Variants in PRKCE observed in about 807,000 individuals in gnomAD.
PRKCE encodes the protein protein kinase C epsilon type.
PRKCE carries 16 observed loss-of-function variants against 85.4 expected under a neutral mutation model. The observed-to-expected ratio is 0.19, with a 90% confidence interval of 0.13 to 0.28. PRKCE has a LOEUF of 0.28. Ranked by LOEUF, PRKCE falls within the 10% of genes least tolerant of loss-of-function variation. PRKCE has a pLI of 1.00. For synonymous variants in PRKCE, 388 were observed against 371.5 expected (o/e 1.04, Z -0.51); for missense variants, 573 against 975.2 (o/e 0.59, Z 5.49).
At chr2:46,107,408 C>T (rs528339053) in intron 11 of PRKCE, among the ~76,000 whole-genome samples, 2 of 152,214 alleles carry the variant, frequency 1.3e-5, no homozygotes, top group South Asian at 2.1e-4. Context: ...TTTGGGAGGC[C>T]GAGGCGGGCA....
chr2:46,078,391 T>A (rs1185538171), intron 10 of PRKCE: 4 of 131,328 alleles, frequency 3.0e-5, no homozygotes, highest in South Asian at 2.4e-4. Context: ...AAAAAAAAAA[T>A]TAGCTGGACA....
chr2:45,700,855 G>T (rs886854801), intron 1 of PRKCE, among the ~76,000 whole-genome samples: 1 of 152,148 alleles, frequency 6.6e-6, no homozygotes, highest in East Asian at 1.9e-4. Context: ...GCAGGGAGAG[G>T]GCGGCCCCGT....
intron 11 of PRKCE, among the ~76,000 whole-genome samples, chr2:46,109,213 G>T (rs1672023340): frequency 6.6e-6 from 1 of 152,116 alleles, no homozygotes; most frequent in South Asian, 2.1e-4. Flanking sequence ...AGAATAAGTT[G>T]CTGATATCTG....
At chr2:45,855,397 C>A (rs1418288448) in intron 2 of PRKCE, among the ~76,000 whole-genome samples, 6 of 152,180 alleles carry the variant, frequency 3.9e-5, no homozygotes, top group Non-Finnish European at 7.4e-5. Flanking sequence ...AAAATTTGAA[C>A]CTTGTTCCCA....
At chr2:45,654,603 A>G (rs1675294461) in intron 1 of PRKCE, among the ~76,000 whole-genome samples, 1 of 152,210 alleles carries the variant, frequency 6.6e-6, no homozygotes. Context: ...TGTGTCCCTG[A>G]CATTTTTATT....
intron 6 of PRKCE, among the ~76,000 whole-genome samples, chr2:45,991,849 A>C (rs558170969): frequency 6.6e-6 from 1 of 152,234 alleles, no homozygotes; most frequent in Admixed American, 6.5e-5. Context: ...ATTGACGTTT[A>C]ATTTGTGTGG....
chr2:45,943,159 A>G (rs1700004835), intron 2 of PRKCE, among the ~76,000 whole-genome samples: 1 of 152,240 alleles, frequency 6.6e-6, no homozygotes, highest in African/African-American at 2.4e-5. Context: ...AGCTCATTTT[A>G]GGTAATTTTC....
At chr2:45,781,064 G>A (rs916599743) in intron 1 of PRKCE, among the ~76,000 whole-genome samples, 2 of 152,268 alleles carry the variant, frequency 1.3e-5, no homozygotes, top group East Asian at 3.9e-4. Flanking sequence ...CGGGCATAGT[G>A]GCTCAAGGCT....
At chr2:45,826,584 G>T (rs1367998239) in intron 1 of PRKCE, among the ~76,000 whole-genome samples, 2 of 152,152 alleles carry the variant, frequency 1.3e-5, no homozygotes, top group African/African-American at 4.8e-5. Flanking sequence ...ACCAAATTCA[G>T]GTCTTAAGCT....
chr2:45,776,667 T>A (rs1378747237), intron 1 of PRKCE, among the ~76,000 whole-genome samples: 1 of 152,158 alleles, frequency 6.6e-6, no homozygotes, highest in Non-Finnish European at 1.5e-5. Context: ...CACAGGAGGC[T>A]TTAATGATGC....
At chr2:46,075,174 G>A (rs1165851651) in intron 10 of PRKCE, among the ~76,000 whole-genome samples, 1 of 152,048 alleles carries the variant, frequency 6.6e-6, no homozygotes, top group Admixed American at 6.6e-5. Flanking sequence ...CCGAGTAGCT[G>A]GGACTGTAGG....
intron 6 of PRKCE, among the ~76,000 whole-genome samples, chr2:45,986,710 C>G (rs538386057): frequency 6.6e-6 from 1 of 152,200 alleles, no homozygotes; most frequent in Non-Finnish European, 1.5e-5. Context: ...ATTGTGGGGA[C>G]AGAACACAAT....
At chr2:45,982,910 G>C (rs1161710472) in intron 5 of PRKCE, among the ~76,000 whole-genome samples, 1 of 152,186 alleles carries the variant, frequency 6.6e-6, no homozygotes, top group African/African-American at 2.4e-5. Context: ...TGATTCCTGA[G>C]AGACCAAGAC....
At chr2:45,698,945 A>G (rs972752704) in intron 1 of PRKCE, among the ~76,000 whole-genome samples, 2 of 152,198 alleles carry the variant, frequency 1.3e-5, no homozygotes, top group East Asian at 3.8e-4. Context: ...GTTAAAATTT[A>G]TGTATTGCCA....
In PRKCE at chr2:45,697,354, C is replaced by T. The variant is rs944940308; in HGVS notation, c.348+44906C>T. The stretch of plus-strand genomic sequence containing the variant: ...CTCTGGTCTGGCTGACGCTGTTGCC[C>T]TCTCTGCCTCTTAATGGCGCTCTGA... On this transcript the variant is annotated intron_variant, in intron 1 of 14. Transcript: ENST00000306156. This position sits in a 1 kb window ranked among gnomAD's most constrained non-coding sequence, Gnocchi z 4.2. Among the ~76,000 whole-genome samples, 1 of 151,658 alleles carries T rather than the reference C, an allele frequency of 6.6e-6. No homozygotes were observed. The highest frequency in any genetic ancestry group is 1.5e-5 in the Non-Finnish European group (1 of 67,828).
chr2:46,061,859 C>CTTTTTCTTTTTTTTT (rs1667165973), intron 10 of PRKCE, among the ~76,000 whole-genome samples: 1 of 107,748 alleles, frequency 9.3e-6, no homozygotes, highest in Non-Finnish European at 1.8e-5. Flanking sequence ...TTTTCTTTTT[C>CTTTTTCTTTTTTTTT]TTTTTTTTTT....
intron 7 of PRKCE, among the ~76,000 whole-genome samples, chr2:46,002,170 CAG>C (rs1262709386): frequency 6.6e-6 from 1 of 152,206 alleles, no homozygotes; most frequent in Non-Finnish European, 1.5e-5. Flanking sequence ...CAGATGTAAA[CAG>C]GGGGAAAGGC....
At chr2:46,033,210 C>G (rs1321770065) in intron 10 of PRKCE, among the ~76,000 whole-genome samples, 1 of 152,214 alleles carries the variant, frequency 6.6e-6, no homozygotes, top group African/African-American at 2.4e-5. Context: ...ATCATTTTCA[C>G]TGATGGTGAT....
rs1703041324 is a variant in PRKCE at position 45,983,309 on chromosome 2, C to T, written c.694-1242C>T. On this transcript the variant is annotated intron_variant, in intron 5 of 14. Transcript: ENST00000306156. Reference sequence around the variant, plus strand: ...TCCCCCACGGGGGCCTGTTACTTATCAGTCAGCCAGGGAGCTGAGGCCCAG... The same window carrying T: ...TCCCCCACGGGGGCCTGTTACTTATTAGTCAGCCAGGGAGCTGAGGCCCAG... Among the ~76,000 whole-genome samples the T allele has an allele frequency of 2.0e-5, 3 of 152,190 alleles. No homozygotes were observed. In the South Asian group the frequency reaches 6.2e-4, roughly 31 times the overall value.
Sources: gnomAD v4.1 joint callset for allele counts (sites outside exome capture counted in the v4.1 genomes callset) on GRCh38, gnomAD v4.1.1 for gene constraint, Gnocchi (gnomAD v3.1) non-coding constraint, MANE v1.5 for transcripts, NCBI Gene and HGNC (gene_info 2026-07-23, HGNC 2026-07-21) for gene names.